LINGO2: variants seen among roughly 807,000 people sequenced by gnomAD.
LINGO2 encodes leucine-rich repeat and immunoglobulin-like domain-containing nogo receptor-interacting protein 2.
A neutral mutation model predicts 30.6 loss-of-function variants in LINGO2; 14 were observed. The ratio of observed to expected loss-of-function variants is 0.46; its 90% CI spans 0.30 to 0.72. The LOEUF (loss-of-function observed/expected upper bound fraction) is 0.72, where lower values mean the gene tolerates loss of function less well. Ranked by LOEUF, LINGO2 falls within the 30% of genes least tolerant of loss-of-function variation. The pLI, the probability that LINGO2 is intolerant of heterozygous loss-of-function variation, is 0.07. For synonymous variants in LINGO2, 317 were observed against 288.5 expected (o/e 1.10, Z -1.00); for missense variants, 729 against 751.7 (o/e 0.97, Z 0.35).
chr9:28,803,687 T>C, the LINGO2 span, among the ~76,000 whole-genome samples: 1 of 151,906 alleles, frequency 6.6e-6, no homozygotes, highest in East Asian at 1.9e-4. Flanking sequence ...GTCCAATTAT[T>C]TCCCCATTAG....
chr9:28,282,730 G>T (rs1290867614), intron 4 of LINGO2, among the ~76,000 whole-genome samples: 1 of 152,034 alleles, frequency 6.6e-6, no homozygotes, highest in Admixed American at 6.6e-5. Context: ...GGAGGTATGG[G>T]TTTGAGAAAT....
chr9:29,167,891 G>A, the LINGO2 span, among the ~76,000 whole-genome samples: 1 of 152,016 alleles, frequency 6.6e-6, no homozygotes, highest in African/African-American at 2.4e-5. Context: ...CTGTTACATG[G>A]CCATCATTTC....
the LINGO2 span, among the ~76,000 whole-genome samples, chr9:28,745,033 G>A: frequency 6.6e-6 from 1 of 151,934 alleles, no homozygotes; most frequent in Admixed American, 6.6e-5. Flanking sequence ...TGTCATTTAG[G>A]TTTTCAAACT....
chr9:28,537,311 AAC>A (rs1347385208), intron 1 of LINGO2, among the ~76,000 whole-genome samples: 1 of 152,140 alleles, frequency 6.6e-6, no homozygotes, highest in East Asian at 1.9e-4. Context: ...CTAGCAAACT[AAC>A]ACAGTCTCCT....
At chr9:29,017,332 C>A in the LINGO2 span, among the ~76,000 whole-genome samples, 1 of 152,036 alleles carries the variant, frequency 6.6e-6, no homozygotes, top group South Asian at 2.1e-4. Flanking sequence ...TCAAACCATA[C>A]AAGTTACCAA....
the LINGO2 span, among the ~76,000 whole-genome samples, chr9:28,769,656 T>C: frequency 6.7e-6 from 1 of 148,738 alleles, no homozygotes; most frequent in Non-Finnish European, 1.5e-5. Flanking sequence ...TCTTTAAATA[T>C]GTGTTCTTGG....
At chr9:28,436,618 C>T (rs1033408643) in intron 2 of LINGO2, among the ~76,000 whole-genome samples, 4 of 152,054 alleles carry the variant, frequency 2.6e-5, no homozygotes, top group East Asian at 1.9e-4. Context: ...CCACCACGAC[C>T]GGCTAATTTT....
chr9:28,679,200 A>C, the LINGO2 span, among the ~76,000 whole-genome samples: 1 of 152,094 alleles, frequency 6.6e-6, no homozygotes, highest in South Asian at 2.1e-4. Context: ...AACTTTGATG[A>C]CTTTCAGAAA....
the LINGO2 span, among the ~76,000 whole-genome samples, chr9:28,961,289 C>G: frequency 3.3e-5 from 5 of 152,060 alleles, no homozygotes; most frequent in African/African-American, 1.2e-4. Context: ...TTTCTAGTTT[C>G]AAGCAGCCAA....
the LINGO2 span, among the ~76,000 whole-genome samples, chr9:29,102,728 TAC>T: frequency 1.3e-5 from 2 of 152,280 alleles, no homozygotes; most frequent in African/African-American, 4.8e-5. Flanking sequence ...GTGCTATTTT[TAC>T]ATAGTAAAAT....
At chr9:28,348,242 T>A (rs1037568957) in intron 3 of LINGO2, among the ~76,000 whole-genome samples, 1 of 152,108 alleles carries the variant, frequency 6.6e-6, no homozygotes, top group African/African-American at 2.4e-5. Context: ...GGTACCGGGT[T>A]CATCTCACTA....
intron 3 of LINGO2, among the ~76,000 whole-genome samples, chr9:28,300,811 T>C (rs1392086599): frequency 6.6e-6 from 1 of 151,560 alleles, no homozygotes; most frequent in East Asian, 1.9e-4. Context: ...GCTCATAGTC[T>C]AGTAGTGTGA....
chr9:28,625,453 C>T (rs1454463237), intron 1 of LINGO2, among the ~76,000 whole-genome samples: 1 of 152,094 alleles, frequency 6.6e-6, no homozygotes, highest in Non-Finnish European at 1.5e-5. Context: ...ACTATGATTG[C>T]TCACCTGATT....
intron 1 of LINGO2, among the ~76,000 whole-genome samples, chr9:28,617,382 G>A (rs1254013229): frequency 3.3e-5 from 5 of 150,966 alleles, no homozygotes; most frequent in Admixed American, 6.6e-5. Flanking sequence ...TGCAACTTCC[G>A]CCTCCCAGGT....
At chr9:28,606,528 A>C (rs7045520) in intron 1 of LINGO2, among the ~76,000 whole-genome samples, 1 of 152,048 alleles carries the variant, frequency 6.6e-6, no homozygotes, top group Non-Finnish European at 1.5e-5. Flanking sequence ...TGGGTCATTT[A>C]AGGATAATAC....
intron 3 of LINGO2, among the ~76,000 whole-genome samples, chr9:28,366,875 C>A (rs1820699166): frequency 6.6e-6 from 1 of 151,924 alleles, no homozygotes; most frequent in East Asian, 1.9e-4. Context: ...ATAATAATAA[C>A]CTGCTTTATT....
intron 5 of LINGO2, among the ~76,000 whole-genome samples, chr9:27,971,437 G>T (rs549472960): frequency 6.6e-6 from 1 of 152,022 alleles, no homozygotes; most frequent in African/African-American, 2.4e-5. Flanking sequence ...GCTGGAGTGC[G>T]GTGGCCATGA....
At chr9:28,924,361 C>A in the LINGO2 span, among the ~76,000 whole-genome samples, 1 of 152,248 alleles carries the variant, frequency 6.6e-6, no homozygotes, top group East Asian at 1.9e-4. Flanking sequence ...GCTGGGACCA[C>A]AGACCCGCAC....
At chr9:28,533,093 A>C (rs749003270) in intron 1 of LINGO2, among the ~76,000 whole-genome samples, 8 of 151,948 alleles carry the variant, frequency 5.3e-5, no homozygotes, top group Non-Finnish European at 8.8e-5. Context: ...ACCCACCCTC[A>C]ATCTAATCAG....
Sources: allele counts gnomAD v4.1 joint callset (sites outside exome capture counted in the v4.1 genomes callset), GRCh38; gene constraint gnomAD v4.1.1; transcripts MANE v1.5; gene names NCBI Gene and HGNC (gene_info 2026-07-23, HGNC 2026-07-21).